Variants in MICU3 observed in about 807,000 individuals in gnomAD.
MICU3 encodes the protein mitochondrial calcium uptake 3, also known as calcium uptake protein 3, mitochondrial.
In MICU3, 62 loss-of-function variants were observed where a neutral mutation model predicts 66.5. That is an observed-to-expected ratio of 0.93 (90% CI 0.76 to 1.15). The LOEUF is 1.15. Ranked by LOEUF, MICU3 falls within the 50% of genes most tolerant of loss-of-function variation. The probability of loss-of-function intolerance (pLI) is 0.00; values close to 1 mark genes in which losing one functional copy is unlikely to be tolerated. For missense variants in MICU3, 779 were observed against 664.4 expected (o/e 1.17, Z -1.90); for synonymous variants, 308 against 240.7 (o/e 1.28, Z -2.59).
chr8:17,082,547 A>C (rs1204522604), intron 5 of MICU3, among the ~76,000 whole-genome samples: 1 of 152,188 alleles, frequency 6.6e-6, no homozygotes, highest in Non-Finnish European at 1.5e-5. Context: ...TGCAAGGTCC[A>C]TTATGGCAAA....
rs574533695 is a variant in MICU3, at chr8:17,043,961, T to C, written c.381+16301T>C. Reference sequence around the variant, plus strand: ...AGTGAACTATGAAAAATATCCCACATATATGTCACCAAATAATTAAAATCC... The same window carrying C: ...AGTGAACTATGAAAAATATCCCACACATATGTCACCAAATAATTAAAATCC... On this transcript the variant is annotated intron_variant, in intron 1 of 14. Coordinates refer to ENST00000318063, the MANE Select transcript of MICU3 (RefSeq NM_181723.3). 2.0e-5 allele frequency among the ~76,000 whole-genome samples: 3 copies of C among 152,354 alleles called. No homozygotes were observed. The South Asian group carries it at 6.2e-4, about 32-fold the overall frequency.
At chr8:17,086,927 T>G in intron 6 of MICU3, 37 bp from the exon 7 acceptor site, 1 of 1,413,170 alleles carries the variant, frequency 7.1e-7, no homozygotes, top group Non-Finnish European at 1.0e-6. Context: ...CAGAAACTCT[T>G]GTTGGATATT....
At chr8:17,053,252 C>G (rs183956169) in intron 1 of MICU3, among the ~76,000 whole-genome samples, 103 of 152,170 alleles carry the variant, frequency 6.8e-4, no homozygotes, top group African/African-American at 2.4e-3. Flanking sequence ...TAAATTGCCT[C>G]TTTTAGGGTA....
Position 17,042,931 on chromosome 8 carries a change from ATTTTTT to A in MICU3, c.381+15292_381+15297del, listed in dbSNP as rs996846253. On this transcript the variant is annotated intron_variant, in intron 1 of 14. Transcript: ENST00000318063. ...AAACTGCTTGTAGCAATTCAAAGTG[ATTTTTT>A]TTTTTTTTTTTTTTTTTTTTGAGAC... 1.4e-3 allele frequency among the ~76,000 whole-genome samples: 117 copies of A among 82,144 alleles called. 1 individual carries two copies. The highest frequency in any genetic ancestry group is 5.5e-3 in the African/African-American group (96 of 17,320). 53.9% of individuals were successfully genotyped at this position (82,144 alleles called of 152,430 possible).
chr8:17,086,932 G>T (rs1421953453), intron 6 of MICU3, 32 bp from the exon 7 acceptor site: 14 of 1,459,022 alleles, frequency 9.6e-6, no homozygotes, highest in Non-Finnish European at 1.3e-5. Flanking sequence ...ACTCTTGTTG[G>T]ATATTTGATT....
chr8:17,120,144 T>C (rs1803086137), intron 14 of MICU3, 144 bp from the exon 15 acceptor site: 1 of 152,208 alleles, frequency 6.6e-6, no homozygotes, highest in Admixed American at 6.5e-5. Context: ...ACTCAGCTTT[T>C]AAGTCTTTGT....
chr8:17,027,587 C>A lies in MICU3; in HGVS notation c.308C>A (p.Ala103Glu). ...SPATGRPSKS[A>E]ATEPEDPPRG... ...GCGACCGGGCGACCCTCAAAGAGCG[C>A]GGCCACGGAGCCCGAGGACCCGCCC... Residue 103 changes from alanine to glutamate, a missense_variant, in exon 1 of 15, where the codon GCG becomes GAG. By Grantham distance (107) the Ala-to-Glu change is moderately radical. Coordinates refer to ENST00000318063, the MANE Select transcript of MICU3 (RefSeq NM_181723.3). The A allele has an allele frequency of 3.9e-6, 5 of 1,294,616 alleles. No homozygotes were observed. The highest frequency in any genetic ancestry group is 4.9e-6 in the Non-Finnish European group (5 of 1,024,818). The allele number at this position is 1,294,616 out of a possible 1,614,324, so 80.2% of individuals were successfully genotyped here.
At chr8:17,075,884 T>A (rs1384998115) in intron 3 of MICU3, among the ~76,000 whole-genome samples, 1 of 150,050 alleles carries the variant, frequency 6.7e-6, no homozygotes, top group African/African-American at 2.4e-5. Context: ...TCTTACACTG[T>A]AGCTGAGTTT....
At chr8:17,066,381 A>G (rs1818681723) in intron 2 of MICU3, among the ~76,000 whole-genome samples, 1 of 151,776 alleles carries the variant, frequency 6.6e-6, no homozygotes, top group Admixed American at 6.6e-5. Context: ...GAATATGGTT[A>G]CCTGGCACAT....
At chr8:17,039,397 T>C (rs1813638761) in intron 1 of MICU3, among the ~76,000 whole-genome samples, 1 of 152,230 alleles carries the variant, frequency 6.6e-6, no homozygotes, top group South Asian at 2.1e-4. Flanking sequence ...GAAGATAAGC[T>C]AATTCTATGT....
At position 17,086,983 on chromosome 8, in the gene MICU3, A is replaced by T. The variant is rs141246387; in HGVS notation, c.797A>T (p.Lys266Ile). Residue 266 changes from lysine to isoleucine, a missense_variant, in exon 7 of 15, where the codon AAA (lysine) becomes ATA (isoleucine). By Grantham distance (102) the Lys-to-Ile change is moderately radical. Transcript: ENST00000318063. ...EFLVLQEIFR[K>I]KNEKREIKGD... is the part of the protein sequence containing the mutation. Reference sequence around the variant, plus strand: ...TGTCAGCTTCAAGAGATATTCAGGAAAAAAAATGAAAAGAGAGAAATTAAA... The same window carrying T: ...TGTCAGCTTCAAGAGATATTCAGGATAAAAAATGAAAAGAGAGAAATTAAA... The T allele has an allele frequency of 1.2e-6, 2 of 1,604,752 alleles. No individual in the cohort carries two copies. The highest frequency in any genetic ancestry group is 1.7e-6 in the Non-Finnish European group (2 of 1,172,764).
chr8:17,070,688 A>T (rs1372258374), intron 3 of MICU3, among the ~76,000 whole-genome samples: 1 of 151,880 alleles, frequency 6.6e-6, no homozygotes, highest in African/African-American at 2.4e-5. Context: ...AACGTCCTTA[A>T]CTAGTTAAAG....
chr8:17,063,608 A>G (rs1342263481), intron 1 of MICU3, among the ~76,000 whole-genome samples: 4 of 152,070 alleles, frequency 2.6e-5, no homozygotes, highest in Non-Finnish European at 5.9e-5. Context: ...ATTACCACTA[A>G]TGGTTTCCTT....
intron 1 of MICU3, among the ~76,000 whole-genome samples, chr8:17,047,202 A>G (rs1272825423): frequency 6.6e-6 from 1 of 152,208 alleles, no homozygotes; most frequent in Non-Finnish European, 1.5e-5. Context: ...AATCAAATAG[A>G]ATTTCTAGAA....
chr8:17,048,804 A>G (rs953350517), intron 1 of MICU3, among the ~76,000 whole-genome samples: 20 of 152,092 alleles, frequency 1.3e-4, no homozygotes, highest in African/African-American at 4.8e-4. Context: ...AAAATTGTAG[A>G]GACAGGTTGC....
Position 17,116,600 on chromosome 8 carries a change from G to T in MICU3, c.1524G>T (p.Arg508=). The stretch of plus-strand genomic sequence containing the variant: ...AAGACAGACTCCATAGAGGATTCCG[G>T]GTAAACCTACACATTTTAAACCTAT... ...IMKDRLHRGF[R]GYKTVQKYPT... Residue 508 remains arginine, a splice_region_variant and synonymous_variant, in exon 13 of 15, where the codon CGG becomes CGT. Transcript: ENST00000318063. 6.4e-7 allele frequency: 1 copy of T among 1,552,612 alleles called. No homozygotes were observed.
the MICU3 span, among the ~76,000 whole-genome samples, chr8:17,136,459 T>C: frequency 2.6e-5 from 4 of 152,058 alleles, no homozygotes; most frequent in Admixed American, 2.6e-4. Flanking sequence ...GCTCCACATA[T>C]GGGTTTTAAT....
chr8:17,032,195 A>T (rs918382778), intron 1 of MICU3, among the ~76,000 whole-genome samples: 6 of 152,244 alleles, frequency 3.9e-5, no homozygotes, highest in South Asian at 2.1e-4. Context: ...GGGAGATCAG[A>T]TCACGTGGCA....
Position 17,060,906 on chromosome 8 carries a change from G to A in MICU3, c.382-3178G>A, listed in dbSNP as rs61625334. 8.9e-3 allele frequency among the ~76,000 whole-genome samples: 1,333 copies of A among 149,806 alleles called. 12 individuals are homozygous for A. The highest frequency in any genetic ancestry group is 0.028 in the African/African-American group (1,123 of 40,638). The stretch of plus-strand genomic sequence containing the variant: ...ATGTGGGCCCGCACCTAATACCATT[G>A]TCAAAAGCCCCACTTAATATTATTG... On this transcript the variant is annotated intron_variant, in intron 1 of 14. Coordinates refer to ENST00000318063, the MANE Select transcript of MICU3 (RefSeq NM_181723.3).
Sources: allele counts gnomAD v4.1 joint callset (sites outside exome capture counted in the v4.1 genomes callset), GRCh38; gene constraint gnomAD v4.1.1; transcripts MANE v1.5; gene names NCBI Gene and HGNC (gene_info 2026-07-23, HGNC 2026-07-21).